HECW2: variants seen among roughly 807,000 people sequenced by gnomAD.
The protein encoded by HECW2 is HECT, C2 and WW domain containing E3 ubiquitin protein ligase 2, also known as E3 ubiquitin-protein ligase HECW2.
Under a neutral mutation model 175.2 loss-of-function variants are expected in HECW2, and 61 were observed. That is an observed-to-expected ratio of 0.35 (90% CI 0.28 to 0.43). The LOEUF is 0.43. Among genes scored for constraint, HECW2 ranks in the 20% least tolerant of loss-of-function variants. The probability of loss-of-function intolerance (pLI) is 1.00; values close to 1 mark genes in which losing one functional copy is unlikely to be tolerated. For synonymous variants in HECW2, 671 were observed against 731.0 expected (o/e 0.92, Z 1.32); for missense variants, 1,524 against 2,000.5 (o/e 0.76, Z 4.54).
chr2:196,211,450 T>C (rs1332407511), intron 28 of HECW2, among the ~76,000 whole-genome samples: 2 of 152,074 alleles, frequency 1.3e-5, no homozygotes, highest in Non-Finnish European at 2.9e-5. Flanking sequence ...AGGCTGTAGG[T>C]CTCCATGGAG....
chr2:196,387,050 A>G (rs896752816), intron 2 of HECW2, among the ~76,000 whole-genome samples: 3 of 152,152 alleles, frequency 2.0e-5, no homozygotes, highest in African/African-American at 7.2e-5. Flanking sequence ...ATTTTTCTCT[A>G]TTAGAAAAGT....
At chr2:196,278,133 A>ATATATATATATATATATATGTATATAT (rs1553489735) in intron 15 of HECW2, among the ~76,000 whole-genome samples, 1 of 66,552 alleles carries the variant, frequency 1.5e-5, no homozygotes, top group South Asian at 6.4e-4. Flanking sequence ...ATAATTAAAA[A>ATATATATATATATATATATGTATATAT]ATATATATAT....
chr2:196,371,108 T>C (rs1162348760), intron 2 of HECW2, among the ~76,000 whole-genome samples: 1 of 152,212 alleles, frequency 6.6e-6, no homozygotes, highest in Admixed American at 6.5e-5. Flanking sequence ...ACCATCTTGC[T>C]CTGCCCCCTA....
At chr2:196,242,255 T>G in intron 19 of HECW2, 51 bp from the exon 20 acceptor site, 1 of 1,610,768 alleles carries the variant, frequency 6.2e-7, no homozygotes, top group Non-Finnish European at 8.5e-7. Context: ...CTCGTCCTTA[T>G]GTTCATCACA....
chr2:196,308,144 GTTCA>G, intron 10 of HECW2, 59 bp from the exon 11 acceptor site: 2 of 1,297,266 alleles, frequency 1.5e-6, no homozygotes, highest in Non-Finnish European at 2.1e-6. Context: ...GATTAATAGG[GTTCA>G]TTAAGTTTGG....
chr2:196,331,874 T>A (rs1692374217), intron 4 of HECW2, among the ~76,000 whole-genome samples: 1 of 152,226 alleles, frequency 6.6e-6, no homozygotes, highest in Non-Finnish European at 1.5e-5. Context: ...ACTCAATGTT[T>A]AGAGACTAGC....
chr2:196,593,304 G>C (rs1691281122), intron 1 of HECW2, among the ~76,000 whole-genome samples: 1 of 150,958 alleles, frequency 6.6e-6, no homozygotes, highest in South Asian at 2.1e-4. Flanking sequence ...CTGCGCCTCC[G>C]GGAGGTTTGT....
At chr2:196,506,892 AC>A (rs1430020947) in intron 1 of HECW2, among the ~76,000 whole-genome samples, 4 of 152,114 alleles carry the variant, frequency 2.6e-5, no homozygotes, top group Non-Finnish European at 5.9e-5. Context: ...CTGACTTATG[AC>A]CCCCAGGTAT....
At chr2:196,482,531 G>T (rs1368407520) in intron 1 of HECW2, among the ~76,000 whole-genome samples, 2 of 152,144 alleles carry the variant, frequency 1.3e-5, no homozygotes, top group Non-Finnish European at 2.9e-5. Context: ...GATACCACAG[G>T]GTATTCATAG....
At chr2:196,524,911 T>C (rs1184235478) in intron 1 of HECW2, among the ~76,000 whole-genome samples, 1 of 134,254 alleles carries the variant, frequency 7.4e-6, no homozygotes, top group Admixed American at 7.1e-5. Context: ...GTGGTCAATT[T>C]TGGAATAGGT....
intron 1 of HECW2, among the ~76,000 whole-genome samples, chr2:196,579,745 C>T (rs1213765032): frequency 1.3e-5 from 2 of 151,994 alleles, no homozygotes; most frequent in African/African-American, 2.4e-5. Context: ...TGACAGGTGT[C>T]CTTATAAGAA....
chr2:196,345,615 C>T (rs1248350248), intron 2 of HECW2, among the ~76,000 whole-genome samples: 1 of 152,172 alleles, frequency 6.6e-6, no homozygotes, highest in African/African-American at 2.4e-5. Flanking sequence ...ACCCACCTGC[C>T]TTCAGGCTTC....
chr2:196,519,517 CT>C (rs1477698881), intron 1 of HECW2, among the ~76,000 whole-genome samples: 1 of 152,142 alleles, frequency 6.6e-6, no homozygotes, highest in African/African-American at 2.4e-5. Context: ...TAAGAAACTG[CT>C]TAAATAAAAG....
intron 1 of HECW2, among the ~76,000 whole-genome samples, chr2:196,503,233 C>A (rs1687635282): frequency 1.3e-5 from 2 of 152,160 alleles, no homozygotes; most frequent in Admixed American, 6.5e-5. Context: ...CCCAAACAAC[C>A]CCAAGAAACA....
intron 1 of HECW2, among the ~76,000 whole-genome samples, chr2:196,498,799 G>T (rs1411448937): frequency 6.6e-6 from 1 of 152,132 alleles, no homozygotes; most frequent in Non-Finnish European, 1.5e-5. Flanking sequence ...CACATGGCCG[G>T]TGGTCACAAG....
chr2:196,528,119 T>C (rs1030034220), intron 1 of HECW2, among the ~76,000 whole-genome samples: 1 of 152,158 alleles, frequency 6.6e-6, no homozygotes, highest in African/African-American at 2.4e-5. Flanking sequence ...GGTAGTAACT[T>C]TGATTAGAGT....
At chr2:196,293,272 G>A (rs988562452) in intron 13 of HECW2, among the ~76,000 whole-genome samples, 5 of 152,174 alleles carry the variant, frequency 3.3e-5, no homozygotes, top group African/African-American at 1.2e-4. Flanking sequence ...CTGTTCCTGT[G>A]TTAGTTTGCT....
intron 1 of HECW2, among the ~76,000 whole-genome samples, chr2:196,537,566 T>A (rs1689062640): frequency 6.6e-6 from 1 of 152,132 alleles, no homozygotes; most frequent in African/African-American, 2.4e-5. Flanking sequence ...GAGGTGTGGC[T>A]GAACGGTACT....
chr2:196,287,368 A>T (rs1287737819), intron 14 of HECW2, among the ~76,000 whole-genome samples: 2 of 152,184 alleles, frequency 1.3e-5, no homozygotes, highest in African/African-American at 2.4e-5. Context: ...TTTATTTTTT[A>T]AAATCTCATG....
Sources: gnomAD v4.1 joint callset for allele counts (sites outside exome capture counted in the v4.1 genomes callset) on GRCh38, gnomAD v4.1.1 for gene constraint, MANE v1.5 for transcripts, NCBI Gene and HGNC (gene_info 2026-07-23, HGNC 2026-07-21) for gene names.